The following RAI14 variants were observed in gnomAD, a reference collection of about 807,000 sequenced individuals.
RAI14 encodes the protein ankycorbin.
In RAI14, 45 loss-of-function variants were observed where a neutral mutation model predicts 115.4. That is an observed-to-expected ratio of 0.39 (90% confidence interval 0.31 to 0.50). The LOEUF (loss-of-function observed/expected upper bound fraction) is 0.50. RAI14 is among the 20% of genes least tolerant of loss of function. RAI14 has a pLI of 0.85. For synonymous variants in RAI14, 371 were observed against 415.4 expected (o/e 0.89, Z 1.30); for missense variants, 939 against 1,131.2 (o/e 0.83, Z 2.44).
At chr5:34,668,714 C>T (rs958960072) in intron 1 of RAI14, among the ~76,000 whole-genome samples, 2 of 151,970 alleles carry the variant, frequency 1.3e-5, no homozygotes, top group African/African-American at 2.4e-5. Context: ...TTTAAAATAT[C>T]GGCATGGAAA....
chr5:34,714,253 G>A (rs1741749211), intron 2 of RAI14, among the ~76,000 whole-genome samples: 1 of 152,000 alleles, frequency 6.6e-6, no homozygotes. Flanking sequence ...TGTCATTTTA[G>A]ACTTCTGTTT....
chr5:34,710,996 CAA>C (rs1741323652), intron 2 of RAI14, among the ~76,000 whole-genome samples: 1 of 152,098 alleles, frequency 6.6e-6, no homozygotes, highest in Non-Finnish European at 1.5e-5. Context: ...TTGACCTGGT[CAA>C]AGAGAAGTGA....
chr5:34,670,965 A>C (rs1743572007), intron 1 of RAI14, among the ~76,000 whole-genome samples: 1 of 152,234 alleles, frequency 6.6e-6, no homozygotes, highest in Non-Finnish European at 1.5e-5. Flanking sequence ...GAAAATTTTC[A>C]GACATGTTTT....
At position 34,777,733 on chromosome 5, in the gene RAI14, C is replaced by T. The variant is rs74799269; in HGVS notation, c.168-18206C>T. Among the ~76,000 whole-genome samples the T allele has an allele frequency of 2.2e-3, 341 of 152,054 alleles. 5 individuals are homozygous for T. The East Asian group carries it at 0.049, about 22-fold the overall frequency. ...GGCAGAGATGGCAGTGAGCCGAGAT[C>T]GTGCTATTGCACTCCAGCCTGGGCA... is the stretch of plus-strand genomic sequence containing the variant. On this transcript the variant is annotated intron_variant, in intron 3 of 17. Coordinates refer to ENST00000265109, the MANE Select transcript of RAI14 (RefSeq NM_015577.3).
chr5:34,803,992 T>C (rs778334760), intron 5 of RAI14, among the ~76,000 whole-genome samples: 3 of 152,182 alleles, frequency 2.0e-5, no homozygotes, highest in African/African-American at 7.2e-5. Flanking sequence ...TAATCAAAAT[T>C]GGAGTGTCTT....
chr5:34,821,206 A>G (rs1025557339), intron 13 of RAI14, among the ~76,000 whole-genome samples: 3 of 152,208 alleles, frequency 2.0e-5, no homozygotes, highest in Non-Finnish European at 2.9e-5. Context: ...ACCCAATCAA[A>G]GTATGTTTTA....
intron 2 of RAI14, among the ~76,000 whole-genome samples, chr5:34,723,118 A>G (rs1033868913): frequency 6.7e-6 from 1 of 149,936 alleles, no homozygotes; most frequent in East Asian, 2.0e-4. Context: ...AAAAAAAAAA[A>G]CCCACTTCAT....
Position 34,823,173 on chromosome 5 carries a change from G to A in RAI14, c.1331G>A (p.Arg444Lys). The A allele has an allele frequency of 1.2e-6, 2 of 1,613,654 alleles. No individual in the cohort carries two copies. The highest frequency in any genetic ancestry group is 2.2e-5 in the South Asian group (2 of 91,062). The change falls in exon 15 of 18, where the codon AGA becomes AAA. Residue 444 changes from arginine to lysine, a missense_variant. Coordinates refer to ENST00000265109, the MANE Select transcript of RAI14 (RefSeq NM_015577.3). The surrounding 1 kb of genome is among the most constrained non-coding windows in gnomAD (Gnocchi z 4.5). Reference protein sequence around the residue: ...LQEILQDLQKRLESSEAERKQ... With the variant: ...LQEILQDLQKKLESSEAERKQ... ...GAGATTTTGCAAGATCTACAGAAGA[G>A]ATTAGAGAGCTCTGAAGCAGAGAGA...
At chr5:34,776,972 C>A (rs568145322) in intron 3 of RAI14, among the ~76,000 whole-genome samples, 1 of 152,158 alleles carries the variant, frequency 6.6e-6, no homozygotes, top group Admixed American at 6.5e-5. Context: ...AGTTCGAGAC[C>A]AGCCTGGCCA....
intron 3 of RAI14, among the ~76,000 whole-genome samples, chr5:34,776,998 A>T (rs1750940444): frequency 6.6e-6 from 1 of 151,776 alleles, no homozygotes; most frequent in Admixed American, 6.6e-5. Context: ...GTGAAACCCC[A>T]TCTCTACTAA....
chr5:34,665,183 A>ATG (rs1561221239), intron 1 of RAI14, among the ~76,000 whole-genome samples: 9,011 of 55,270 alleles, frequency 0.16, 3,781 homozygotes, highest in African/African-American at 0.2. Context: ...ACACACATAT[A>ATG]TATATGTATA....
At chr5:34,805,864 A>G (rs1754827973) in intron 5 of RAI14, among the ~76,000 whole-genome samples, 2 of 151,980 alleles carry the variant, frequency 1.3e-5, no homozygotes, top group Non-Finnish European at 2.9e-5. Flanking sequence ...CAAAAACAAC[A>G]AAAAACAAAT....
At chr5:34,821,977 T>G (rs1191357149) in intron 14 of RAI14, 127 bp downstream of exon 14, 1 of 491,472 alleles carries the variant, frequency 2.0e-6, no homozygotes, top group Admixed American at 3.4e-5. Flanking sequence ...TTAAGCATCT[T>G]ATAGTTTCAG....
intron 1 of RAI14, among the ~76,000 whole-genome samples, chr5:34,668,742 A>G (rs1743404268): frequency 6.6e-6 from 1 of 152,198 alleles, no homozygotes; most frequent in Non-Finnish European, 1.5e-5. Flanking sequence ...CAATATCCAT[A>G]TACTTACCAT....
intron 1 of RAI14, among the ~76,000 whole-genome samples, chr5:34,663,735 A>G (rs942312440): frequency 1.3e-5 from 2 of 152,174 alleles, no homozygotes; most frequent in Admixed American, 1.3e-4. Context: ...CGGTCATCAG[A>G]TATAGAGTTG....
chr5:34,812,327 AG>A, intron 10 of RAI14, 119 bp downstream of exon 10: 1 of 937,908 alleles, frequency 1.1e-6, no homozygotes, highest in Non-Finnish European at 1.6e-6. Flanking sequence ...GAAAATACTT[AG>A]GGACTGAAAT....
At chr5:34,690,505 A>T (rs561643735) in intron 2 of RAI14, among the ~76,000 whole-genome samples, 1 of 152,336 alleles carries the variant, frequency 6.6e-6, no homozygotes, top group East Asian at 1.9e-4. Context: ...ATAGGATGAA[A>T]GTGGCCCAAG....
At chr5:34,708,785 A>G (rs182875333) in intron 2 of RAI14, among the ~76,000 whole-genome samples, 3 of 152,314 alleles carry the variant, frequency 2.0e-5, no homozygotes, top group South Asian at 2.1e-4. Context: ...CCATTATGCC[A>G]CAGATAAAAT....
At chr5:34,829,219 G>T (rs1757780349) in intron 16 of RAI14, among the ~76,000 whole-genome samples, 1 of 151,410 alleles carries the variant, frequency 6.6e-6, no homozygotes, top group South Asian at 2.1e-4. Context: ...ACAGAGTTTT[G>T]CTCTGTCACC....
Sources: gnomAD v4.1 joint callset for allele counts (sites outside exome capture counted in the v4.1 genomes callset) on GRCh38, gnomAD v4.1.1 for gene constraint, Gnocchi (gnomAD v3.1) non-coding constraint, MANE v1.5 for transcripts, NCBI Gene and HGNC (gene_info 2026-07-23, HGNC 2026-07-21) for gene names.